The following CLEC16A variants were observed in gnomAD, a reference collection of about 807,000 sequenced individuals.
CLEC16A encodes C-type lectin domain containing 16A.
A neutral mutation model predicts 109.5 loss-of-function variants in CLEC16A; 51 were observed. The observed-to-expected ratio is 0.47, with a 90% CI of 0.37 to 0.59. CLEC16A has a LOEUF of 0.59. CLEC16A is among the 20% of genes least tolerant of loss of function. The pLI is 0.00. For missense variants in CLEC16A, 1,339 were observed against 1,394.0 expected, an observed-to-expected ratio of 0.96 and a Z score of 0.63; for synonymous variants, 673 against 564.2, an observed-to-expected ratio of 1.19 and a Z score of -2.73.
chr16:10,968,408 C>G (rs2042616928), intron 3 of CLEC16A, among the ~76,000 whole-genome samples: 1 of 152,202 alleles, frequency 6.6e-6, no homozygotes, highest in South Asian at 2.1e-4. Context: ...TCTGCAGGGC[C>G]AGGCGCTGGG....
At chr16:11,169,456 T>A (rs573060447) in intron 23 of CLEC16A, among the ~76,000 whole-genome samples, 1 of 152,104 alleles carries the variant, frequency 6.6e-6, no homozygotes, top group Non-Finnish European at 1.5e-5. Flanking sequence ...CCAACTAATT[T>A]TTGTATTTTT....
intron 19 of CLEC16A, among the ~76,000 whole-genome samples, chr16:11,083,903 C>T (rs1286692368): frequency 1.3e-5 from 2 of 152,140 alleles, no homozygotes; most frequent in Non-Finnish European, 1.5e-5. Context: ...GTGTTCTACC[C>T]GGAATGGAAA....
chr16:11,113,952 C>G (rs541520920), intron 19 of CLEC16A, among the ~76,000 whole-genome samples: 2 of 152,286 alleles, frequency 1.3e-5, no homozygotes, highest in Non-Finnish European at 2.9e-5. Context: ...ATAAATAATG[C>G]TAATTTGTCC....
At chr16:11,020,006 A>G (rs1363195245) in intron 11 of CLEC16A, among the ~76,000 whole-genome samples, 187 bp from the exon 12 acceptor site, 3 of 152,366 alleles carry the variant, frequency 2.0e-5, no homozygotes, top group Middle Eastern at 3.4e-3. Flanking sequence ...ATGAATGGAA[A>G]GAGAGGCTCT....
In CLEC16A at chr16:11,052,150, T is replaced by C. The variant is rs2047980103; in HGVS notation, c.1995+509T>C. On this transcript the variant is annotated intron_variant, in intron 18 of 23. Transcript: ENST00000409790. ...TTAGTTCTCAGAACCAGCTGCAGTG[T>C]GTGCTTCCGTTATCAGCCCTTTTTT... Among the ~76,000 whole-genome samples the C allele has an allele frequency of 2.6e-5, 4 of 152,210 alleles. No individual in the cohort carries two copies. In the South Asian group the frequency reaches 8.3e-4, roughly 32 times the overall value.
chr16:10,958,036 T>C, intron 2 of CLEC16A, 126 bp downstream of exon 2: 1 of 879,630 alleles, frequency 1.1e-6, no homozygotes, highest in Non-Finnish European at 1.7e-6. Flanking sequence ...TAGATATCTA[T>C]CTCTGTCTAG....
chr16:11,018,106 G>C (rs558417740), intron 11 of CLEC16A, among the ~76,000 whole-genome samples: 2 of 151,176 alleles, frequency 1.3e-5, no homozygotes, highest in East Asian at 3.9e-4. Context: ...TCAGAAGTTT[G>C]AGACCAGCCT....
At chr16:11,165,767 G>A (rs944795382) in intron 22 of CLEC16A, among the ~76,000 whole-genome samples, 12 of 152,138 alleles carry the variant, frequency 7.9e-5, no homozygotes, top group African/African-American at 2.7e-4. Flanking sequence ...GAAACGTGTG[G>A]GCAGACTCCA....
At chr16:11,100,089 T>C (rs1251715508) in intron 19 of CLEC16A, among the ~76,000 whole-genome samples, 1 of 152,174 alleles carries the variant, frequency 6.6e-6, no homozygotes, top group Admixed American at 6.5e-5. Context: ...ACTAGCTCTT[T>C]TCTTAACTTT....
intron 19 of CLEC16A, among the ~76,000 whole-genome samples, chr16:11,099,354 A>C (rs2050779520): frequency 6.6e-6 from 1 of 152,260 alleles, no homozygotes; most frequent in Non-Finnish European, 1.5e-5. Flanking sequence ...ACATTAATGA[A>C]AATTAAGGTT....
intron 23 of CLEC16A, among the ~76,000 whole-genome samples, chr16:11,173,520 C>T (rs952778664): frequency 5.9e-5 from 9 of 152,144 alleles, no homozygotes; most frequent in Non-Finnish European, 1.0e-4. Context: ...GTCACCAAGT[C>T]GCTGCCCAGT....
intron 3 of CLEC16A, among the ~76,000 whole-genome samples, chr16:10,965,077 T>C (rs2042437749): frequency 6.6e-6 from 1 of 152,166 alleles, no homozygotes; most frequent in Admixed American, 6.5e-5. Context: ...ACCCTTTGAC[T>C]CTCTGCTTCT....
intron 14 of CLEC16A, 155 bp from the exon 15 acceptor site, chr16:11,042,099 A>G (rs1489595329): frequency 5.0e-6 from 3 of 599,708 alleles, no homozygotes; most frequent in South Asian, 2.0e-5. Flanking sequence ...TGGTTTGGGC[A>G]TGGGGGGTTC....
intron 23 of CLEC16A, among the ~76,000 whole-genome samples, chr16:11,169,255 C>A (rs1199758015): frequency 6.6e-6 from 1 of 152,146 alleles, no homozygotes; most frequent in Non-Finnish European, 1.5e-5. Flanking sequence ...CTAGGAAACC[C>A]CAGTGGCTTC....
chr16:10,964,574 C>T (rs2042410974), intron 3 of CLEC16A, among the ~76,000 whole-genome samples: 1 of 152,218 alleles, frequency 6.6e-6, no homozygotes, highest in Non-Finnish European at 1.5e-5. Context: ...GCAGATAGGA[C>T]ATGGCCATGG....
chr16:11,021,009 G>T (rs531630959), intron 12 of CLEC16A, among the ~76,000 whole-genome samples: 152 of 152,272 alleles, frequency 1.0e-3, no homozygotes, highest in African/African-American at 3.3e-3. Flanking sequence ...ACAGACCCCT[G>T]CAACAGCCTC....
At chr16:11,062,795 G>A (rs1215882981) in intron 19 of CLEC16A, among the ~76,000 whole-genome samples, 3 of 149,572 alleles carry the variant, frequency 2.0e-5, no homozygotes, top group South Asian at 2.1e-4. Flanking sequence ...ATGGCCACAG[G>A]AATTTCTCTA....
intron 19 of CLEC16A, among the ~76,000 whole-genome samples, chr16:11,100,737 A>G (rs1378279529): frequency 6.6e-6 from 1 of 152,244 alleles, no homozygotes; most frequent in African/African-American, 2.4e-5. Context: ...GCTCAGTGTC[A>G]GATGCTTATT....
intron 19 of CLEC16A, among the ~76,000 whole-genome samples, chr16:11,112,654 T>G (rs1369757901): frequency 6.6e-6 from 1 of 152,022 alleles, no homozygotes; most frequent in East Asian, 1.9e-4. Flanking sequence ...GACAGACCTA[T>G]CTCAGTCAAT....
Sources: gnomAD v4.1 joint callset for allele counts (sites outside exome capture counted in the v4.1 genomes callset) on GRCh38, gnomAD v4.1.1 for gene constraint, MANE v1.5 for transcripts, NCBI Gene and HGNC (gene_info 2026-07-23, HGNC 2026-07-21) for gene names.